Variants in PARD3B observed in about 807,000 individuals in gnomAD.
The protein encoded by PARD3B is partitioning defective 3 homolog B.
In PARD3B, 103 loss-of-function variants were observed where a neutral mutation model predicts 130.2. That is an observed-to-expected ratio of 0.79 (90% CI 0.67 to 0.93). The LOEUF (loss-of-function observed/expected upper bound fraction) is 0.93, where lower values mean the gene tolerates loss of function less well. PARD3B is among the 40% of genes least tolerant of loss of function. The pLI is 0.00. For synonymous variants in PARD3B, 583 were observed against 553.2 expected, an observed-to-expected ratio of 1.05 and a Z score of -0.76; for missense variants, 1,609 against 1,499.2, an observed-to-expected ratio of 1.07 and a Z score of -1.21.
At chr2:204,802,334 G>C (rs1209782929) in intron 2 of PARD3B, among the ~76,000 whole-genome samples, 1 of 152,112 alleles carries the variant, frequency 6.6e-6, no homozygotes, top group African/African-American at 2.4e-5. Context: ...TAAAAAGTCA[G>C]GAAACAACAG....
intron 1 of PARD3B, among the ~76,000 whole-genome samples, chr2:204,557,006 A>T (rs77020911): frequency 6.9e-6 from 1 of 144,140 alleles, no homozygotes; most frequent in East Asian, 2.0e-4. Context: ...GCTTTTCAGG[A>T]TTTTTTTTTT....
chr2:205,479,805 G>A (rs1575123104), intron 20 of PARD3B, among the ~76,000 whole-genome samples: 1 of 151,784 alleles, frequency 6.6e-6, no homozygotes, highest in African/African-American at 2.4e-5. Context: ...TCCAAGTCCT[G>A]TAAAGCCCAT....
chr2:204,645,527 T>C (rs970546659), intron 1 of PARD3B, among the ~76,000 whole-genome samples: 1 of 152,156 alleles, frequency 6.6e-6, no homozygotes, highest in Non-Finnish European at 1.5e-5. Context: ...GTTAAGGCAT[T>C]TTCCTGCATA....
intron 21 of PARD3B, among the ~76,000 whole-genome samples, chr2:205,531,157 T>C (rs994634333): frequency 8.5e-5 from 13 of 152,220 alleles, no homozygotes; most frequent in African/African-American, 2.9e-4. Context: ...TTTTTCACCA[T>C]AATTTATACT....
chr2:204,836,208 A>T (rs1427048697), intron 2 of PARD3B, among the ~76,000 whole-genome samples: 7 of 152,180 alleles, frequency 4.6e-5, no homozygotes, highest in Admixed American at 4.6e-4. Context: ...TTATCAAGGG[A>T]GATATAACTT....
At position 204,740,642 on chromosome 2, in the gene PARD3B, T is replaced by G. The variant is rs192957339; in HGVS notation, c.222+54360T>G. On this transcript the variant is annotated intron_variant, in intron 2 of 22. Coordinates refer to ENST00000406610, the MANE Select transcript of PARD3B (RefSeq NM_001302769.2). ...TCCTCTGAAGGCTTCTTTACTCTTATGTCTGTATCTGGGCTGAGATGACTA... is the reference window on the plus strand; with the variant it reads ...TCCTCTGAAGGCTTCTTTACTCTTAGGTCTGTATCTGGGCTGAGATGACTA... 1.6e-3 allele frequency among the ~76,000 whole-genome samples: 245 copies of G among 152,258 alleles called. 2 individuals carry two copies. Among genetic ancestry groups the G allele is most frequent in the South Asian group, 0.014 (67 of 4,820 alleles).
intron 4 of PARD3B, among the ~76,000 whole-genome samples, chr2:205,084,804 G>T (rs1701641670): frequency 6.6e-6 from 1 of 151,512 alleles, no homozygotes. Context: ...TGTCTATTCA[G>T]GTTGTTTTAT....
chr2:205,390,300 G>GAA (rs1188607669), intron 18 of PARD3B, among the ~76,000 whole-genome samples: 2,635 of 140,304 alleles, frequency 0.019, 75 homozygotes, highest in African/African-American at 0.063. Flanking sequence ...AGAAGAATAT[G>GAA]AAAAAAAAAA....
At position 204,673,877 on chromosome 2, in the gene PARD3B, C is replaced by T. The variant is rs757099533; in HGVS notation, c.121-12304C>T. The stretch of plus-strand genomic sequence containing the variant: ...TCTTAGATGTTGCAAGAACTCAACA[C>T]ATGTTGCAGAAAGGACTGCCATTGA... On this transcript the variant is annotated intron_variant, in intron 1 of 22. Coordinates refer to ENST00000406610, the MANE Select transcript of PARD3B (RefSeq NM_001302769.2). The surrounding 1 kb of genome is among the most constrained non-coding windows in gnomAD (Gnocchi z 4.7). Among the ~76,000 whole-genome samples the T allele has an allele frequency of 2.6e-5, 4 of 152,160 alleles. No homozygotes were observed. Among genetic ancestry groups the T allele is most frequent in the Non-Finnish European group, 5.9e-5 (4 of 68,032 alleles).
intron 2 of PARD3B, among the ~76,000 whole-genome samples, chr2:204,963,685 T>C (rs1690945891): frequency 6.6e-6 from 1 of 152,222 alleles, no homozygotes; most frequent in Non-Finnish European, 1.5e-5. Context: ...GAGAAAGATA[T>C]CGTTCTACTG....
intron 21 of PARD3B, among the ~76,000 whole-genome samples, chr2:205,500,474 C>T (rs890600398): frequency 7.2e-5 from 11 of 151,942 alleles, no homozygotes; most frequent in African/African-American, 2.7e-4. Flanking sequence ...CTGATCTTAC[C>T]GGCATACTAG....
At position 205,584,866 on chromosome 2, in the gene PARD3B, C is replaced by CT. The variant is rs1025895255; in HGVS notation, c.3261-30584dup. Among the ~76,000 whole-genome samples the CT allele has an allele frequency of 2.0e-5, 3 of 152,034 alleles. No homozygotes were observed. The highest frequency in any genetic ancestry group is 4.8e-5 in the African/African-American group (2 of 41,410). On this transcript the variant is annotated intron_variant, in intron 22 of 22. Coordinates refer to ENST00000406610, the MANE Select transcript of PARD3B (RefSeq NM_001302769.2). This position sits in a 1 kb window ranked among gnomAD's most constrained non-coding sequence, Gnocchi z 5.5. Reference sequence around the variant, plus strand: ...CCTGAGCCTTCTTTTTTGGAAAACACTTTTTTCCCCTTAGATTGTACATAA... The same window carrying CT: ...CCTGAGCCTTCTTTTTTGGAAAACACTTTTTTTCCCCTTAGATTGTACATAA...
chr2:204,654,017 C>A (rs563635310), intron 1 of PARD3B, among the ~76,000 whole-genome samples: 1 of 151,126 alleles, frequency 6.6e-6, no homozygotes, highest in Non-Finnish European at 1.5e-5. Flanking sequence ...TTAAAAACTT[C>A]TGCAATAAAA....
intron 1 of PARD3B, among the ~76,000 whole-genome samples, chr2:204,602,448 A>G (rs187786327): frequency 3.7e-4 from 56 of 151,426 alleles, no homozygotes; most frequent in South Asian, 6.2e-4. Context: ...AACAGTTTAA[A>G]AAAAAATAAA....
intron 20 of PARD3B, among the ~76,000 whole-genome samples, chr2:205,445,553 C>T (rs746138592): frequency 4.2e-4 from 64 of 152,104 alleles, no homozygotes; most frequent in Non-Finnish European, 7.8e-4. Flanking sequence ...CCGGATCTCA[C>T]GAGAACTCAC....
chr2:205,596,994 T>G (rs929771239), intron 22 of PARD3B, among the ~76,000 whole-genome samples: 1 of 152,178 alleles, frequency 6.6e-6, no homozygotes, highest in Non-Finnish European at 1.5e-5. Flanking sequence ...TCCATTTATC[T>G]TTTGACTACC....
chr2:205,318,673 G>A (rs753499277), intron 18 of PARD3B, among the ~76,000 whole-genome samples: 1 of 152,108 alleles, frequency 6.6e-6, no homozygotes, highest in African/African-American at 2.4e-5. Flanking sequence ...TTCTTGCATT[G>A]TTAAAAACGA....
chr2:205,444,728 C>G (rs2047845287), intron 20 of PARD3B, among the ~76,000 whole-genome samples: 1 of 152,120 alleles, frequency 6.6e-6, no homozygotes, highest in Admixed American at 6.5e-5. Context: ...AGGACAGGAG[C>G]TTGAAATAAG....
intron 5 of PARD3B, among the ~76,000 whole-genome samples, chr2:205,113,092 A>G (rs956813688): frequency 6.6e-6 from 1 of 152,160 alleles, no homozygotes; most frequent in Non-Finnish European, 1.5e-5. Flanking sequence ...CTTTATGCTG[A>G]AGCATCGATG....
Sources: allele counts gnomAD v4.1 joint callset (sites outside exome capture counted in the v4.1 genomes callset), GRCh38; gene constraint gnomAD v4.1.1; non-coding constraint Gnocchi (gnomAD v3.1); transcripts MANE v1.5; gene names NCBI Gene and HGNC (gene_info 2026-07-23, HGNC 2026-07-21).